Variants in CDH4 observed in about 807,000 individuals in gnomAD.
The protein encoded by CDH4 is cadherin 4, also known as cadherin-4.
Under a neutral mutation model 86.0 loss-of-function variants are expected in CDH4, and 33 were observed. That is an observed-to-expected ratio of 0.38 (90% confidence interval 0.29 to 0.51). CDH4 has a LOEUF of 0.51. Ranked by LOEUF, CDH4 falls within the 20% of genes least tolerant of loss-of-function variation. The pLI is 0.86. For missense variants in CDH4, 1,114 were observed against 1,307.4 expected (o/e 0.85, Z 2.28); for synonymous variants, 555 against 549.4 (o/e 1.01, Z -0.14).
intron 2 of CDH4, among the ~76,000 whole-genome samples, chr20:61,552,341 G>A (rs541285155): frequency 2.6e-5 from 4 of 152,254 alleles, no homozygotes; most frequent in East Asian, 1.9e-4. Flanking sequence ...GAAGACATAC[G>A]AATGTCCAAT....
intron 2 of CDH4, among the ~76,000 whole-genome samples, chr20:61,409,477 C>T (rs1189241861): frequency 6.6e-6 from 1 of 152,210 alleles, no homozygotes; most frequent in Non-Finnish European, 1.5e-5. Context: ...CACAAGGATT[C>T]CCTGGAGCCA....
chr20:61,615,463 CAT>C (rs775600054), intron 2 of CDH4, among the ~76,000 whole-genome samples: 11 of 152,166 alleles, frequency 7.2e-5, no homozygotes, highest in African/African-American at 2.7e-4. Context: ...ATAATGAAAA[CAT>C]AGATAATCAC....
chr20:61,808,341 A>AAAATAAATAAATAAATAAAT (rs534974250), intron 4 of CDH4, among the ~76,000 whole-genome samples: 2 of 151,860 alleles, frequency 1.3e-5, no homozygotes, highest in South Asian at 2.1e-4. Context: ...ACCAGCTGCA[A>AAAATAAATAAATAAATAAAT]AAATAAATAA....
chr20:61,921,621 G>A (rs1178280079), intron 9 of CDH4, among the ~76,000 whole-genome samples: 3 of 152,166 alleles, frequency 2.0e-5, no homozygotes, highest in South Asian at 2.1e-4. Flanking sequence ...GCATGGTGGC[G>A]GGCACCTGTA....
At chr20:61,315,348 A>G (rs1372917031) in intron 2 of CDH4, among the ~76,000 whole-genome samples, 2 of 152,212 alleles carry the variant, frequency 1.3e-5, no homozygotes, top group Admixed American at 6.5e-5. Context: ...ACTGGGGGAC[A>G]TTGAGCTTCC....
intron 4 of CDH4, among the ~76,000 whole-genome samples, chr20:61,801,481 CTGTG>C (rs1229046532): frequency 2.0e-5 from 3 of 152,216 alleles, no homozygotes; most frequent in African/African-American, 7.2e-5. Flanking sequence ...CACTCCCTGT[CTGTG>C]TGAGTTGCCG....
At chr20:61,326,968 G>GTC (rs2084540105) in intron 2 of CDH4, among the ~76,000 whole-genome samples, 2 of 152,108 alleles carry the variant, frequency 1.3e-5, no homozygotes, top group South Asian at 4.2e-4. Flanking sequence ...CAACCTGCTT[G>GTC]TCAGGTGCAT....
chr20:61,284,029 G>C (rs147521335), intron 2 of CDH4, among the ~76,000 whole-genome samples: 1 of 152,032 alleles, frequency 6.6e-6, no homozygotes, highest in Non-Finnish European at 1.5e-5. Context: ...AGCTTTGGCC[G>C]GGCGCGGTGG....
chr20:61,271,579 C>T (rs953255669), intron 2 of CDH4, among the ~76,000 whole-genome samples: 1 of 152,224 alleles, frequency 6.6e-6, no homozygotes, highest in Non-Finnish European at 1.5e-5. Context: ...GAGGCCCCGG[C>T]CTGGGGGTTC....
intron 2 of CDH4, among the ~76,000 whole-genome samples, chr20:61,644,536 G>A (rs2087042087): frequency 6.6e-6 from 1 of 152,152 alleles, no homozygotes; most frequent in South Asian, 2.1e-4. Flanking sequence ...ACGTGAGCGG[G>A]CTTTCCAGGA....
chr20:61,777,602 A>G (rs1368328231), intron 4 of CDH4, among the ~76,000 whole-genome samples: 1 of 152,210 alleles, frequency 6.6e-6, no homozygotes, highest in Non-Finnish European at 1.5e-5. Flanking sequence ...GTGCACACAC[A>G]TCCACATGCG....
chr20:61,662,533 C>G (rs1307193107), intron 2 of CDH4, among the ~76,000 whole-genome samples: 1 of 152,176 alleles, frequency 6.6e-6, no homozygotes, highest in Non-Finnish European at 1.5e-5. Context: ...GAGCTGGGGG[C>G]TGGGGGGCAC....
At chr20:61,320,969 T>C (rs571103483) in intron 2 of CDH4, among the ~76,000 whole-genome samples, 18 of 152,114 alleles carry the variant, frequency 1.2e-4, no homozygotes, top group Admixed American at 2.6e-4. Context: ...TGTGGGGAAG[T>C]GTCCCAGGTC....
intron 2 of CDH4, among the ~76,000 whole-genome samples, chr20:61,482,201 G>T (rs943737085): frequency 6.6e-6 from 1 of 152,308 alleles, no homozygotes; most frequent in Admixed American, 6.5e-5. Context: ...TGTAGGGCCC[G>T]GAAGAAGCCA....
At chr20:61,367,428 G>T (rs768470042) in intron 2 of CDH4, among the ~76,000 whole-genome samples, 1 of 152,112 alleles carries the variant, frequency 6.6e-6, no homozygotes, top group Non-Finnish European at 1.5e-5. Flanking sequence ...GTAAGAAAGT[G>T]CTCAAATAGT....
intron 6 of CDH4, among the ~76,000 whole-genome samples, chr20:61,870,038 G>A (rs909515898): frequency 1.3e-5 from 2 of 152,218 alleles, no homozygotes; most frequent in African/African-American, 4.8e-5. Flanking sequence ...GATCAGGGCA[G>A]GCACTCAAAG....
rs544609235 is a variant in CDH4 at position 61,715,581 on chromosome 20, A to G, written c.170-27982A>G. Among the ~76,000 whole-genome samples the G allele has an allele frequency of 7.0e-4, 107 of 152,322 alleles. 3 individuals are homozygous for G. In the South Asian group the frequency reaches 0.022, roughly 31 times the overall value. On this transcript the variant is annotated intron_variant, in intron 2 of 15. Coordinates refer to ENST00000614565, the MANE Select transcript of CDH4 (RefSeq NM_001794.5). ...GGGCAGAGCCCTGATTAATCCATTC[A>G]TGTGGGTAGAAGGATTAAGTTTCCA... is the stretch of plus-strand genomic sequence containing the variant.
intron 4 of CDH4, among the ~76,000 whole-genome samples, chr20:61,776,194 A>T (rs182095788): frequency 7.9e-5 from 12 of 152,310 alleles, no homozygotes; most frequent in Admixed American, 7.2e-4. Context: ...GAATGCCCTG[A>T]TGGGGAACAT....
chr20:61,824,526 A>G (rs1224770539), intron 4 of CDH4, among the ~76,000 whole-genome samples: 2 of 152,092 alleles, frequency 1.3e-5, no homozygotes, highest in Non-Finnish European at 2.9e-5. Context: ...TTTTTTCCCT[A>G]TGCTGAGCCG....
Sources: gnomAD v4.1 joint callset for allele counts (sites outside exome capture counted in the v4.1 genomes callset) on GRCh38, gnomAD v4.1.1 for gene constraint, MANE v1.5 for transcripts, NCBI Gene and HGNC (gene_info 2026-07-23, HGNC 2026-07-21) for gene names.